NCAM1: variants seen among roughly 807,000 people sequenced by gnomAD.
The protein encoded by NCAM1 is neural cell adhesion molecule 1.
NCAM1 carries 14 observed loss-of-function variants against 109.8 expected under a neutral mutation model. That is an observed-to-expected ratio of 0.13 (90% CI 0.08 to 0.20). The LOEUF (loss-of-function observed/expected upper bound fraction) is 0.20. Ranked by LOEUF, NCAM1 falls within the 10% of genes least tolerant of loss-of-function variation. The pLI, the probability that NCAM1 is intolerant of heterozygous loss-of-function variation, is 1.00. For synonymous variants in NCAM1, 418 were observed against 442.9 expected, an observed-to-expected ratio of 0.94 and a Z score of 0.70; for missense variants, 774 against 1,109.9, an observed-to-expected ratio of 0.70 and a Z score of 4.30.
chr11:113,141,374 A>G (rs1466185923), intron 1 of NCAM1, among the ~76,000 whole-genome samples: 4 of 152,188 alleles, frequency 2.6e-5, no homozygotes, highest in Admixed American at 2.0e-4. Context: ...GCTCACACCT[A>G]TAATCCCAGC....
In NCAM1 at chr11:113,274,378, G is replaced by C. The variant is rs1173227264; in HGVS notation, c.2457-889G>C. On this transcript the variant is annotated intron_variant, in intron 19 of 19. Transcript: ENST00000316851. The surrounding 1 kb of genome is among the most constrained non-coding windows in gnomAD (Gnocchi z 4.1). ...AGAAAGGCCTTAACCTTTCAGGTTT[G>C]TAAGTGTCTTGCCAAAATTCAGTGG... is the stretch of plus-strand genomic sequence containing the variant. 3.3e-5 allele frequency among the ~76,000 whole-genome samples: 5 copies of C among 152,208 alleles called. No individual in the cohort carries two copies. Among genetic ancestry groups the C allele is most frequent in the Non-Finnish European group, 7.3e-5 (5 of 68,048 alleles).
At chr11:113,185,594 G>A (rs1943484351) in intron 1 of NCAM1, among the ~76,000 whole-genome samples, 1 of 152,172 alleles carries the variant, frequency 6.6e-6, no homozygotes, top group Non-Finnish European at 1.5e-5. Context: ...AGGGACAAAC[G>A]TGAAAACAAA....
At chr11:113,052,899 G>C (rs1953561142) in intron 1 of NCAM1, among the ~76,000 whole-genome samples, 1 of 151,994 alleles carries the variant, frequency 6.6e-6, no homozygotes, top group Non-Finnish European at 1.5e-5. Context: ...CCCTCCCTGT[G>C]TCCATACTCT....
chr11:113,176,889 C>T (rs1401230605), intron 1 of NCAM1, among the ~76,000 whole-genome samples: 1 of 152,148 alleles, frequency 6.6e-6, no homozygotes, highest in Non-Finnish European at 1.5e-5. Context: ...AAAAGCTGGC[C>T]CATCAACTTC....
chr11:113,103,857 G>A (rs1939999157), intron 1 of NCAM1, among the ~76,000 whole-genome samples: 1 of 151,918 alleles, frequency 6.6e-6, no homozygotes, highest in South Asian at 2.1e-4. Context: ...TCATTTAGAG[G>A]CACTAAAATT....
intron 14 of NCAM1, chr11:113,243,078 A>T: frequency 4.2e-5 from 30 of 709,524 alleles, no homozygotes; most frequent in South Asian, 6.3e-5. Flanking sequence ...TACTCCGTGC[A>T]TGAGGAGGCT....
intron 1 of NCAM1, among the ~76,000 whole-genome samples, chr11:113,180,121 G>A (rs962685513): frequency 2.6e-5 from 4 of 152,164 alleles, no homozygotes; most frequent in Non-Finnish European, 5.9e-5. Context: ...ATTTGTGGAC[G>A]ACTGACTGGC....
intron 1 of NCAM1, among the ~76,000 whole-genome samples, chr11:113,192,044 A>G (rs1390611175): frequency 6.6e-6 from 1 of 152,248 alleles, no homozygotes; most frequent in African/African-American, 2.4e-5. Context: ...AGCTGGACAA[A>G]TATTGAAAGA....
At chr11:113,009,312 G>GTTTTTTTGTTTTTTT (rs1555073910) in intron 1 of NCAM1, among the ~76,000 whole-genome samples, 1 of 79,656 alleles carries the variant, frequency 1.3e-5, no homozygotes, top group South Asian at 5.9e-4. Context: ...GTTTTTTCGG[G>GTTTTTTTGTTTTTTT]TTTTTTTTTT....
At chr11:112,997,142 G>A (rs1324949578) in intron 1 of NCAM1, among the ~76,000 whole-genome samples, 1 of 147,878 alleles carries the variant, frequency 6.8e-6, no homozygotes, top group Non-Finnish European at 1.5e-5. Context: ...GCTTCCTCCT[G>A]TTTATGAGAA....
intron 14 of NCAM1, among the ~76,000 whole-genome samples, chr11:113,241,776 C>G (rs1476313210): frequency 1.3e-5 from 2 of 152,242 alleles, no homozygotes; most frequent in Non-Finnish European, 2.9e-5. Context: ...ATGCCAGCAT[C>G]TGCCCAGAGT....
At position 112,964,228 on chromosome 11, in the gene NCAM1, A is replaced by G. The variant is rs376903543; in HGVS notation, c.52+2564A>G. Among the ~76,000 whole-genome samples, 37 of 147,544 alleles carry G rather than the reference A, an allele frequency of 2.5e-4. No individual in the cohort carries two copies. In the East Asian group the frequency reaches 4.4e-3, roughly 18 times the overall value. On this transcript the variant is annotated intron_variant, in intron 1 of 19. Coordinates refer to ENST00000316851, the MANE Select transcript of NCAM1 (RefSeq NM_181351.5). ...AGTTTGTGTGCTCGGCTGGGTGCAT[A>G]TGAAAATTTACATATAAGGCAAGCT...
chr11:113,027,332 C>T (rs1555077509), intron 1 of NCAM1, among the ~76,000 whole-genome samples: 1 of 152,096 alleles, frequency 6.6e-6, no homozygotes, highest in Admixed American at 6.5e-5. Flanking sequence ...CAGAACATAA[C>T]CAATGTTGTA....
At chr11:113,265,233 G>T in intron 17 of NCAM1, 1 of 914,860 alleles carries the variant, frequency 1.1e-6, no homozygotes, top group Non-Finnish European at 1.3e-6. Context: ...CAATAGTTGT[G>T]TCTGACAAAG....
At chr11:113,106,028 A>G (rs1478246470) in intron 1 of NCAM1, among the ~76,000 whole-genome samples, 1 of 131,880 alleles carries the variant, frequency 7.6e-6, no homozygotes, top group Non-Finnish European at 1.5e-5. Flanking sequence ...AATTTGTGAC[A>G]TATATTTTAA....
At position 113,159,661 on chromosome 11, in the gene NCAM1, T is replaced by C. The variant is rs376179493; in HGVS notation, c.53-42718T>C. Among the ~76,000 whole-genome samples the C allele has an allele frequency of 2.0e-5, 3 of 152,336 alleles. No individual in the cohort carries two copies. In the East Asian group the frequency reaches 5.8e-4, roughly 29 times the overall value. On this transcript the variant is annotated intron_variant, in intron 1 of 19. Coordinates refer to ENST00000316851, the MANE Select transcript of NCAM1 (RefSeq NM_181351.5). ...ATTTTTTTTTCCTTTTATCGTTTTC[T>C]TTATAGTCAAAGCAAAAGGGGTGGT...
chr11:113,202,493 C>G, intron 2 of NCAM1, 40 bp downstream of exon 2: 1 of 1,559,790 alleles, frequency 6.4e-7, no homozygotes, highest in Admixed American at 1.9e-5. Flanking sequence ...GAACTTGCTT[C>G]AGAAACTCAC....
chr11:113,104,210 G>A (rs797038097), intron 1 of NCAM1, among the ~76,000 whole-genome samples: 1 of 130,768 alleles, frequency 7.6e-6, no homozygotes, highest in African/African-American at 2.8e-5. Flanking sequence ...GGTGGGGTGG[G>A]GGGGGGGGCG....
At chr11:113,262,474 C>T (rs1264377341) in intron 17 of NCAM1, among the ~76,000 whole-genome samples, 1 of 152,220 alleles carries the variant, frequency 6.6e-6, no homozygotes, top group Non-Finnish European at 1.5e-5. Context: ...TGTTCTCTCA[C>T]TTTAATTTCA....
Sources: allele counts gnomAD v4.1 joint callset (sites outside exome capture counted in the v4.1 genomes callset), GRCh38; gene constraint gnomAD v4.1.1; non-coding constraint Gnocchi (gnomAD v3.1); transcripts MANE v1.5; gene names NCBI Gene and HGNC (gene_info 2026-07-23, HGNC 2026-07-21).